CENPW: variants seen among roughly 807,000 people sequenced by gnomAD.
CENPW encodes cancer-up-regulated gene 2 protein.
A neutral mutation model predicts 11.1 loss-of-function variants in CENPW; 3 were observed. That is an observed-to-expected ratio of 0.27 (90% CI 0.12 to 0.70). The LOEUF (loss-of-function observed/expected upper bound fraction) is 0.70, where lower values mean the gene tolerates loss of function less well. Among genes scored for constraint, CENPW ranks in the 30% least tolerant of loss-of-function variants. The pLI is 0.77. For synonymous variants in CENPW, 38 were observed against 42.0 expected (o/e 0.91, Z 0.37); for missense variants, 100 against 105.6 (o/e 0.95, Z 0.23).
the CENPW span, among the ~76,000 whole-genome samples, chr6:126,373,161 A>G: frequency 6.6e-6 from 1 of 152,210 alleles, no homozygotes; most frequent in Non-Finnish European, 1.5e-5. Flanking sequence ...CAAAATTTAC[A>G]TTATTCTAAA....
the CENPW span, among the ~76,000 whole-genome samples, chr6:126,440,154 TAGGAAGA>T: frequency 1.3e-5 from 2 of 151,626 alleles, no homozygotes; most frequent in Admixed American, 6.6e-5. Flanking sequence ...TATGGCTGCC[TAGGAAGA>T]AGGAAGAAGA....
the CENPW span, among the ~76,000 whole-genome samples, chr6:126,465,755 A>G: frequency 1.4e-4 from 21 of 152,114 alleles, no homozygotes; most frequent in Non-Finnish European, 2.8e-4. Context: ...ATGAAGACAC[A>G]TAGTGGAGAA....
chr6:126,454,429 C>G, the CENPW span, among the ~76,000 whole-genome samples: 127 of 151,190 alleles, frequency 8.4e-4, no homozygotes, highest in African/African-American at 3.0e-3. Flanking sequence ...GCTCAAAATC[C>G]TAGAATTACA....
the CENPW span, among the ~76,000 whole-genome samples, chr6:126,373,179 G>C: frequency 6.6e-6 from 1 of 152,100 alleles, no homozygotes; most frequent in African/African-American, 2.4e-5. Context: ...AAAGCTTCCA[G>C]TAACCTAAAG....
chr6:126,395,880 C>A, the CENPW span, among the ~76,000 whole-genome samples: 6 of 152,252 alleles, frequency 3.9e-5, no homozygotes, highest in African/African-American at 1.4e-4. Flanking sequence ...TACTTTCTCC[C>A]AAACAAATGG....
At chr6:126,470,492 A>T in the CENPW span, among the ~76,000 whole-genome samples, 10 of 152,330 alleles carry the variant, frequency 6.6e-5, no homozygotes, top group African/African-American at 2.4e-4. Flanking sequence ...AACCTCTACT[A>T]GGGCAATGCA....
the CENPW span, among the ~76,000 whole-genome samples, chr6:126,425,653 T>C: frequency 6.6e-6 from 1 of 152,072 alleles, no homozygotes; most frequent in Non-Finnish European, 1.5e-5. Context: ...CAAATAGATC[T>C]ATAGCAAAAG....
the CENPW span, among the ~76,000 whole-genome samples, chr6:126,382,017 T>C: frequency 6.6e-6 from 1 of 152,242 alleles, no homozygotes; most frequent in East Asian, 1.9e-4. Flanking sequence ...GTGGATCACC[T>C]GAGGTCAGGA....
At chr6:126,348,209 A>T (rs1345878474) in intron 2 of CENPW, among the ~76,000 whole-genome samples, 1 of 151,980 alleles carries the variant, frequency 6.6e-6, no homozygotes, top group East Asian at 1.9e-4. Flanking sequence ...TAACATCTAG[A>T]GGTAACTAAT....
chr6:126,389,225 A>C, the CENPW span, among the ~76,000 whole-genome samples: 1 of 151,948 alleles, frequency 6.6e-6, no homozygotes, highest in African/African-American at 2.4e-5. Context: ...AACTATCTCT[A>C]CTGCTGCCAT....
At chr6:126,429,319 G>A in the CENPW span, among the ~76,000 whole-genome samples, 1 of 152,044 alleles carries the variant, frequency 6.6e-6, no homozygotes, top group Non-Finnish European at 1.5e-5. Flanking sequence ...TTGGATATTT[G>A]TTCCTGCCCA....
chr6:126,436,958 G>T, the CENPW span, among the ~76,000 whole-genome samples: 3 of 151,492 alleles, frequency 2.0e-5, no homozygotes, highest in South Asian at 4.2e-4. Flanking sequence ...AGTTACATTG[G>T]AGAGTTGTAG....
the CENPW span, among the ~76,000 whole-genome samples, chr6:126,457,772 C>G: frequency 2.0e-5 from 3 of 151,282 alleles, no homozygotes; most frequent in Non-Finnish European, 4.4e-5. Context: ...TTATTGAAGA[C>G]TCAGGGCATT....
chr6:126,434,764 T>G, the CENPW span, among the ~76,000 whole-genome samples: 1 of 151,954 alleles, frequency 6.6e-6, no homozygotes, highest in Non-Finnish European at 1.5e-5. Flanking sequence ...TATAATAAAA[T>G]AAGAAATTAT....
chr6:126,340,354 G>A lies in CENPW; in HGVS notation c.81G>A (p.Lys27=). The change falls in exon 1 of 3, where the codon AAG becomes AAA. Residue 27 remains lysine, a synonymous_variant. Transcript: ENST00000368328. ...APRGFLKRVF[K]RKKPQLRLEK... is the part of the protein sequence containing the mutation. The stretch of plus-strand genomic sequence containing the variant: ...GTGGCTTTCTAAAGCGAGTCTTCAA[G>A]CGAAAGAAGCCTCAACTTCGTCTGG... 1 of 1,614,126 alleles carries A rather than the reference G, an allele frequency of 6.2e-7. No individual in the cohort carries two copies. The highest frequency in any genetic ancestry group is 8.5e-7 in the Non-Finnish European group (1 of 1,180,002).
At chr6:126,340,709 T>C (rs1780286687) in intron 1 of CENPW, among the ~76,000 whole-genome samples, 2 of 152,346 alleles carry the variant, frequency 1.3e-5, no homozygotes, top group South Asian at 4.1e-4. Flanking sequence ...GAACACAATC[T>C]GGCACCGTGA....
At chr6:126,362,918 A>G in the CENPW span, among the ~76,000 whole-genome samples, 2 of 152,188 alleles carry the variant, frequency 1.3e-5, no homozygotes, top group African/African-American at 2.4e-5. Flanking sequence ...TGCTTCAAAT[A>G]TATCTTTTGT....
the CENPW span, among the ~76,000 whole-genome samples, chr6:126,430,170 C>G: frequency 4.6e-5 from 7 of 152,186 alleles, no homozygotes; most frequent in African/African-American, 1.4e-4. Context: ...CTTATGCTTT[C>G]TCTCTGTGTC....
At chr6:126,403,372 A>G in the CENPW span, among the ~76,000 whole-genome samples, 1 of 152,190 alleles carries the variant, frequency 6.6e-6, no homozygotes, top group Non-Finnish European at 1.5e-5. Flanking sequence ...CTTGCACTAA[A>G]TAGCCAAATT....
Sources: allele counts gnomAD v4.1 joint callset (sites outside exome capture counted in the v4.1 genomes callset), GRCh38; gene constraint gnomAD v4.1.1; transcripts MANE v1.5; gene names NCBI Gene and HGNC (gene_info 2026-07-23, HGNC 2026-07-21).